Variants in LCOR observed in about 807,000 individuals in gnomAD.
The protein encoded by LCOR is ligand-dependent corepressor.
A neutral mutation model predicts 64.4 loss-of-function variants in LCOR; 14 were observed. The ratio of observed to expected loss-of-function variants is 0.22; its 90% confidence interval spans 0.14 to 0.34. The LOEUF (loss-of-function observed/expected upper bound fraction) is 0.34, where lower values mean the gene tolerates loss of function less well. LCOR is among the 10% of genes least tolerant of loss of function. LCOR has a pLI of 1.00. For synonymous variants in LCOR, 643 were observed against 642.5 expected (o/e 1.00, Z -0.01); for missense variants, 1,686 against 1,765.3 (o/e 0.96, Z 0.80).
At chr10:96,929,213 C>G (rs1847216471) in intron 4 of LCOR, among the ~76,000 whole-genome samples, 1 of 152,250 alleles carries the variant, frequency 6.6e-6, no homozygotes, top group Admixed American at 6.5e-5. Flanking sequence ...CTTGTCCTCT[C>G]TCACTATGAA....
intron 7 of LCOR, among the ~76,000 whole-genome samples, chr10:96,980,175 CTG>C (rs1848072152): frequency 2.7e-5 from 4 of 150,178 alleles, no homozygotes; most frequent in African/African-American, 4.9e-5. Context: ...AAAAAAAAAA[CTG>C]TAAGTTCTGT....
At chr10:96,939,741 A>T (rs942297048) in intron 4 of LCOR, among the ~76,000 whole-genome samples, 3 of 152,224 alleles carry the variant, frequency 2.0e-5, no homozygotes, top group African/African-American at 7.2e-5. Context: ...AGGCGGGCGG[A>T]TCACAAGGTC....
chr10:96,926,636 G>C (rs1847172273), intron 4 of LCOR, among the ~76,000 whole-genome samples: 1 of 152,038 alleles, frequency 6.6e-6, no homozygotes, highest in Non-Finnish European at 1.5e-5. Flanking sequence ...GTATACAGTT[G>C]TCTAACCAGC....
intron 7 of LCOR, chr10:96,958,264 C>A: frequency 7.5e-7 from 1 of 1,331,268 alleles, no homozygotes. Flanking sequence ...AAAAGTTCAA[C>A]TTTTGTAGAG....
chr10:96,946,918 C>T (rs192908746), intron 5 of LCOR, among the ~76,000 whole-genome samples: 570 of 152,050 alleles, frequency 3.7e-3, no homozygotes, highest in Non-Finnish European at 6.6e-3. Context: ...ATGGAAATTT[C>T]CTTTATGTAT....
chr10:96,934,320 C>T (rs771933173), intron 4 of LCOR, among the ~76,000 whole-genome samples: 6 of 152,150 alleles, frequency 3.9e-5, no homozygotes, highest in Non-Finnish European at 7.4e-5. Flanking sequence ...GTCACTGTAA[C>T]AAATGCCTTA....
rs1175227932 is a variant in LCOR, at chr10:96,915,602, G to A, written c.-184+7855G>A. ...ATTTCAAACTATACAGTCACCAGAA[G>A]TACACAGTTATCAAAAATGCACACA... On this transcript the variant is annotated intron_variant, in intron 4 of 7. Coordinates refer to ENST00000421806, the MANE Select transcript of LCOR (RefSeq NM_001346516.2). The A allele has an allele frequency of 1.2e-5, 10 of 816,310 alleles. No individual in the cohort carries two copies. In the African/African-American group the frequency reaches 1.7e-4, roughly 14 times the overall value. 50.6% of individuals were successfully genotyped at this position (816,310 alleles called of 1,614,324 possible). A position where few individuals can be genotyped will look rare whatever the true frequency, so the allele number is the denominator to read the frequency against.
intron 2 of LCOR, among the ~76,000 whole-genome samples, chr10:96,856,534 C>G (rs1845807820): frequency 6.6e-6 from 1 of 151,234 alleles, no homozygotes. Context: ...TACCCCGTCC[C>G]TGTACCCCTC....
At chr10:96,854,905 A>T (rs995154708) in intron 2 of LCOR, among the ~76,000 whole-genome samples, 1 of 152,184 alleles carries the variant, frequency 6.6e-6, no homozygotes, top group African/African-American at 2.4e-5. Flanking sequence ...GGGAAAAATT[A>T]TATGTGTGTT....
At chr10:96,891,839 A>G (rs1222542971) in intron 2 of LCOR, among the ~76,000 whole-genome samples, 1 of 152,054 alleles carries the variant, frequency 6.6e-6, no homozygotes, top group Non-Finnish European at 1.5e-5. Context: ...CACCACACCT[A>G]GCCTGTAGTT....
intron 7 of LCOR, chr10:96,959,411 A>G (rs574813629): frequency 6.6e-6 from 1 of 152,332 alleles, no homozygotes; most frequent in East Asian, 1.9e-4. Context: ...TTGATAGGAA[A>G]TAATGTATTT....
rs768129559 is a variant in LCOR, at chr10:96,982,097, T to G, written c.1637T>G (p.Leu546Arg). The G allele has an allele frequency of 3.1e-6, 5 of 1,614,000 alleles. No homozygotes were observed. Among genetic ancestry groups the G allele is most frequent in the African/African-American group, 1.3e-5 (1 of 74,898 alleles). The change falls in exon 8 of 8, where the codon CTT becomes CGT. Residue 546 changes from leucine to arginine, a missense_variant. This residue lies in a region of LCOR where 1,293 missense variants were observed against 1,410.4 expected (regional missense o/e 0.92). Transcript: ENST00000421806. ...GCAGTTTTCACTCCTAAGCAGACCC[T>G]TACAATTCCAGCCCCTAGACATACA... Reference protein sequence around the residue: ...SEAVFTPKQTLTIPAPRHTVD... With the variant: ...SEAVFTPKQTRTIPAPRHTVD...
At position 96,989,122 on chromosome 10, in the gene LCOR, A is replaced by G. The variant is rs1037186781; in HGVS notation, c.*3988A>G. The G allele has an allele frequency of 3.3e-5, 5 of 152,220 alleles. No individual in the cohort carries two copies. In the East Asian group the frequency reaches 5.8e-4, roughly 18 times the overall value. The allele number at this position is 152,220 out of a possible 1,614,324, so 9.4% of individuals were successfully genotyped here. A position where few individuals can be genotyped will look rare whatever the true frequency, so the allele number is the denominator to read the frequency against. On this transcript the variant is annotated 3_prime_UTR_variant, in exon 8 of 8. Transcript: ENST00000421806. ...TTTCTTTTCAAAGGAGACATGTTAT[A>G]TCGATATGCACTACTATCCCCTTAA...
intron 1 of LCOR, 105 bp downstream of exon 1, chr10:96,832,504 C>T: frequency 3.6e-6 from 1 of 280,252 alleles, no homozygotes. Context: ...TCCGGCCCGC[C>T]CGCCCTCTTT....
At chr10:96,893,922 A>G (rs974047470) in intron 2 of LCOR, among the ~76,000 whole-genome samples, 1 of 152,202 alleles carries the variant, frequency 6.6e-6, no homozygotes, top group African/African-American at 2.4e-5. Flanking sequence ...ACAACAGTGA[A>G]TGTAAAATTC....
chr10:96,924,125 C>T (rs1224140377), intron 4 of LCOR, among the ~76,000 whole-genome samples: 5 of 152,134 alleles, frequency 3.3e-5, no homozygotes, highest in African/African-American at 1.2e-4. Context: ...AATGGCAGGA[C>T]GGCTGGGATT....
chr10:96,869,391 T>G (rs1285515500), intron 2 of LCOR, among the ~76,000 whole-genome samples: 1 of 151,972 alleles, frequency 6.6e-6, no homozygotes, highest in African/African-American at 2.4e-5. Context: ...TTTTTTGTAT[T>G]TTTAGTAGAG....
intron 2 of LCOR, among the ~76,000 whole-genome samples, chr10:96,835,121 G>A (rs1021185907): frequency 3.3e-5 from 5 of 152,108 alleles, no homozygotes; most frequent in Non-Finnish European, 7.4e-5. Flanking sequence ...GGCTGGTCTC[G>A]AACTCCTGAC....
chr10:96,952,998 GA>G (rs1469596870), intron 7 of LCOR, among the ~76,000 whole-genome samples: 7 of 152,088 alleles, frequency 4.6e-5, no homozygotes, highest in Admixed American at 3.9e-4. Flanking sequence ...GAGTTACTTA[GA>G]TATTAAAGGA....
Sources: gnomAD v4.1 joint callset for allele counts (sites outside exome capture counted in the v4.1 genomes callset) on GRCh38, gnomAD v4.1.1 for gene constraint, gnomAD v4.1.1 regional missense constraint, MANE v1.5 for transcripts, NCBI Gene and HGNC (gene_info 2026-07-23, HGNC 2026-07-21) for gene names.